Variants in DLGAP1 observed in about 807,000 individuals in gnomAD.
DLGAP1 encodes the protein DLG associated protein 1.
Under a neutral mutation model 90.8 loss-of-function variants are expected in DLGAP1, and 11 were observed. That is an observed-to-expected ratio of 0.12 (90% CI 0.08 to 0.20). DLGAP1 has a LOEUF of 0.20. Ranked by LOEUF, DLGAP1 falls within the 10% of genes least tolerant of loss-of-function variation. DLGAP1 has a pLI of 1.00. For synonymous variants in DLGAP1, 558 were observed against 540.7 expected (o/e 1.03, Z -0.44); for missense variants, 1,050 against 1,333.8 (o/e 0.79, Z 3.31).
intron 7 of DLGAP1, among the ~76,000 whole-genome samples, chr18:3,675,819 T>A (rs1482012007): frequency 3.9e-5 from 6 of 152,230 alleles, no homozygotes; most frequent in African/African-American, 1.4e-4. Context: ...TTTGCTGTTT[T>A]CCATGGTGTA....
At chr18:3,873,693 A>G (rs886337122) in intron 4 of DLGAP1, among the ~76,000 whole-genome samples, 1 of 152,196 alleles carries the variant, frequency 6.6e-6, no homozygotes, top group Non-Finnish European at 1.5e-5. Flanking sequence ...TATTTAAAAG[A>G]TCCTGGATTC....
At chr18:4,023,921 A>G (rs893591458) in intron 2 of DLGAP1, among the ~76,000 whole-genome samples, 2 of 152,146 alleles carry the variant, frequency 1.3e-5, no homozygotes, top group African/African-American at 4.8e-5. Context: ...TATATGGATC[A>G]CATGTCTGTG....
chr18:4,162,256 TA>T (rs1445638096), intron 1 of DLGAP1, among the ~76,000 whole-genome samples: 3 of 152,164 alleles, frequency 2.0e-5, no homozygotes, highest in African/African-American at 7.2e-5. Context: ...TTTGTGCATA[TA>T]CTCAAAAGCC....
intron 5 of DLGAP1, among the ~76,000 whole-genome samples, chr18:3,783,062 G>A (rs771700373): frequency 1.3e-5 from 2 of 152,096 alleles, no homozygotes; most frequent in African/African-American, 4.8e-5. Context: ...TTCTCAAATG[G>A]TTAGTCATTT....
intron 1 of DLGAP1, among the ~76,000 whole-genome samples, chr18:4,365,978 A>G (rs1281240103): frequency 6.6e-6 from 1 of 152,104 alleles, no homozygotes; most frequent in Non-Finnish European, 1.5e-5. Flanking sequence ...AGCAAGATAC[A>G]CTGATTTCAA....
At chr18:4,196,117 C>G (rs2077493168) in intron 1 of DLGAP1, among the ~76,000 whole-genome samples, 1 of 152,142 alleles carries the variant, frequency 6.6e-6, no homozygotes, top group Non-Finnish European at 1.5e-5. Flanking sequence ...CCAAACACTG[C>G]TGAGCATCAA....
chr18:4,437,015 G>T (rs2083415890), intron 1 of DLGAP1, among the ~76,000 whole-genome samples: 1 of 152,178 alleles, frequency 6.6e-6, no homozygotes, highest in African/African-American at 2.4e-5. Context: ...GAAGACTATG[G>T]TTTTCTCCAT....
rs34619291 is a variant in DLGAP1, at chr18:3,671,672, CAG to C, written c.1591+57461_1591+57462del. Among the ~76,000 whole-genome samples the C allele has an allele frequency of 3.7e-3, 570 of 152,316 alleles. 2 individuals carry two copies. The highest frequency in any genetic ancestry group is 0.013 in the African/African-American group (552 of 41,564). On this transcript the variant is annotated intron_variant, in intron 7 of 12. Transcript: ENST00000315677. ...TTGTATTCCTTAAGTACTTTTGAAA[CAG>C]ATATATTCTCCCACACATACTCATT...
intron 1 of DLGAP1, among the ~76,000 whole-genome samples, chr18:4,187,861 G>T (rs1390316820): frequency 6.6e-6 from 1 of 151,830 alleles, no homozygotes; most frequent in African/African-American, 2.4e-5. Flanking sequence ...GCCAGGTGTG[G>T]TGGTGTGCAC....
chr18:3,811,937 T>C (rs910333629), intron 5 of DLGAP1, among the ~76,000 whole-genome samples: 1 of 152,180 alleles, frequency 6.6e-6, no homozygotes, highest in Admixed American at 6.5e-5. Flanking sequence ...GCTCTACATC[T>C]TTCTGTTCTC....
intron 7 of DLGAP1, among the ~76,000 whole-genome samples, chr18:3,590,471 G>A (rs1380333788): frequency 6.6e-6 from 1 of 152,134 alleles, no homozygotes; most frequent in Non-Finnish European, 1.5e-5. Flanking sequence ...ACACCCCTGT[G>A]TGTACAGAGC....
chr18:4,166,598 T>C (rs1476689757), intron 1 of DLGAP1, among the ~76,000 whole-genome samples: 1 of 152,226 alleles, frequency 6.6e-6, no homozygotes, highest in East Asian at 1.9e-4. Context: ...GATATTTGTA[T>C]ACTACTGTTC....
chr18:3,741,005 C>CCAT (rs1224711677), intron 6 of DLGAP1, among the ~76,000 whole-genome samples: 1 of 123,752 alleles, frequency 8.1e-6, no homozygotes, highest in Non-Finnish European at 1.7e-5. Flanking sequence ...CACCTCACCA[C>CCAT]CACCACCACC....
At chr18:4,432,882 C>T (rs1389800696) in intron 1 of DLGAP1, among the ~76,000 whole-genome samples, 2 of 152,160 alleles carry the variant, frequency 1.3e-5, no homozygotes, top group African/African-American at 2.4e-5. Flanking sequence ...CCCAAACAGG[C>T]CCTCGAGAAG....
At chr18:3,820,839 A>C (rs996277577) in intron 4 of DLGAP1, among the ~76,000 whole-genome samples, 1 of 152,138 alleles carries the variant, frequency 6.6e-6, no homozygotes, top group African/African-American at 2.4e-5. Flanking sequence ...AGATTCAAAA[A>C]GGAGAGTTAG....
At chr18:3,885,066 G>A (rs1238170116) in intron 3 of DLGAP1, among the ~76,000 whole-genome samples, 7 of 152,070 alleles carry the variant, frequency 4.6e-5, no homozygotes, top group Admixed American at 2.0e-4. Context: ...GGTGAGCAAG[G>A]GCAAATGATC....
chr18:4,249,734 T>G (rs976569877), intron 1 of DLGAP1, among the ~76,000 whole-genome samples: 2 of 152,066 alleles, frequency 1.3e-5, no homozygotes, highest in Non-Finnish European at 2.9e-5. Context: ...ACTATAGGCA[T>G]GTGTTACCAT....
chr18:3,929,618 A>C (rs1261933350), intron 3 of DLGAP1, among the ~76,000 whole-genome samples: 1 of 152,200 alleles, frequency 6.6e-6, no homozygotes, highest in Admixed American at 6.5e-5. Flanking sequence ...GTGTGTGTAC[A>C]GAAAGGGCTC....
chr18:4,369,479 T>G (rs117382202), intron 1 of DLGAP1, among the ~76,000 whole-genome samples: 2,905 of 152,238 alleles, frequency 0.019, 38 homozygotes, highest in Non-Finnish European at 0.029. Flanking sequence ...TTTTTTAAAT[T>G]TAAATAACTT....
Sources: gnomAD v4.1 joint callset for allele counts (sites outside exome capture counted in the v4.1 genomes callset) on GRCh38, gnomAD v4.1.1 for gene constraint, MANE v1.5 for transcripts, NCBI Gene and HGNC (gene_info 2026-07-23, HGNC 2026-07-21) for gene names.